CNTNAP2: variants seen among roughly 807,000 people sequenced by gnomAD.
The protein encoded by CNTNAP2 is contactin-associated protein-like 2.
Under a neutral mutation model 155.2 loss-of-function variants are expected in CNTNAP2, and 98 were observed. The ratio of observed to expected loss-of-function variants is 0.63; its 90% CI spans 0.54 to 0.75. The LOEUF (loss-of-function observed/expected upper bound fraction) is 0.75. Ranked by LOEUF, CNTNAP2 falls within the 30% of genes least tolerant of loss-of-function variation. The pLI is 0.00. For synonymous variants in CNTNAP2, 651 were observed against 631.2 expected (o/e 1.03, Z -0.47); for missense variants, 1,727 against 1,688.1 (o/e 1.02, Z -0.40).
chr7:147,504,206 A>G (rs1584776508), intron 11 of CNTNAP2, among the ~76,000 whole-genome samples: 1 of 152,058 alleles, frequency 6.6e-6, no homozygotes, highest in Non-Finnish European at 1.5e-5. Flanking sequence ...CCTGTCCTGT[A>G]GCTCCTGACA....
At chr7:146,373,928 G>A (rs561893725) in intron 1 of CNTNAP2, among the ~76,000 whole-genome samples, 3 of 152,128 alleles carry the variant, frequency 2.0e-5, no homozygotes, top group Non-Finnish European at 4.4e-5. Context: ...TTCCTAAACA[G>A]GTTTGAGAAT....
chr7:147,039,277 G>C (rs1455059367), intron 3 of CNTNAP2, among the ~76,000 whole-genome samples: 1 of 152,092 alleles, frequency 6.6e-6, no homozygotes, highest in Non-Finnish European at 1.5e-5. Flanking sequence ...ACACTCATGT[G>C]ACAGGGGTTT....
intron 1 of CNTNAP2, among the ~76,000 whole-genome samples, chr7:146,587,284 C>G (rs993018620): frequency 6.6e-6 from 1 of 152,098 alleles, no homozygotes; most frequent in African/African-American, 2.4e-5. Flanking sequence ...TACATATTTT[C>G]TACTAGACTG....
At chr7:147,476,966 G>A (rs1303972571) in intron 10 of CNTNAP2, among the ~76,000 whole-genome samples, 1 of 150,506 alleles carries the variant, frequency 6.6e-6, no homozygotes, top group Non-Finnish European at 1.5e-5. Flanking sequence ...GCAGGTTGTG[G>A]TGAAATAAAA....
intron 2 of CNTNAP2, among the ~76,000 whole-genome samples, chr7:146,798,778 A>T (rs1802816695): frequency 6.6e-6 from 1 of 152,188 alleles, no homozygotes; most frequent in Admixed American, 6.5e-5. Flanking sequence ...TGTAGTCATG[A>T]ACAAATTAAA....
chr7:147,848,751 A>G (rs982276717), intron 13 of CNTNAP2, among the ~76,000 whole-genome samples: 19 of 152,206 alleles, frequency 1.2e-4, no homozygotes, highest in African/African-American at 4.3e-4. Flanking sequence ...ATTTCCTGAA[A>G]TAGTTCCAAA....
rs148364288 is a variant in CNTNAP2 at position 148,082,724 on chromosome 7, C to T, written c.2384-35394C>T. Among the ~76,000 whole-genome samples, 118 of 152,128 alleles carry T rather than the reference C, an allele frequency of 7.8e-4. 1 individual carries two copies. The East Asian group carries it at 0.019, about 24-fold the overall frequency. On this transcript the variant is annotated intron_variant, in intron 15 of 23. Transcript: ENST00000361727. ...TGACAGAGTCTCACTCTGTCACCAG[C>T]GTGGAGTGCAATGGCACCATCTCAG...
chr7:147,452,217 CAT>C (rs1319336782), intron 10 of CNTNAP2, among the ~76,000 whole-genome samples: 1 of 152,168 alleles, frequency 6.6e-6, no homozygotes, highest in Non-Finnish European at 1.5e-5. Flanking sequence ...TATGAATACA[CAT>C]ATCAGACAGA....
chr7:147,852,584 A>C (rs1042119432), intron 13 of CNTNAP2, among the ~76,000 whole-genome samples: 1 of 152,228 alleles, frequency 6.6e-6, no homozygotes, highest in Non-Finnish European at 1.5e-5. Flanking sequence ...CTTAAAGATT[A>C]CATTTTTTGC....
chr7:147,458,361 G>C (rs1380816915), intron 10 of CNTNAP2, among the ~76,000 whole-genome samples: 2 of 151,972 alleles, frequency 1.3e-5, no homozygotes, highest in Non-Finnish European at 2.9e-5. Flanking sequence ...CAAATTGCAA[G>C]CTCTTGATGC....
chr7:147,731,763 C>A (rs183282559), intron 13 of CNTNAP2, among the ~76,000 whole-genome samples: 1 of 152,178 alleles, frequency 6.6e-6, no homozygotes, highest in Non-Finnish European at 1.5e-5. Flanking sequence ...AAAGGACCCA[C>A]CATTTTAGAT....
intron 10 of CNTNAP2, among the ~76,000 whole-genome samples, chr7:147,421,441 C>A (rs182689302): frequency 4.1e-3 from 621 of 152,126 alleles, no homozygotes; most frequent in African/African-American, 0.015. Context: ...ATAGTCACAG[C>A]ATCCATTCTA....
chr7:147,780,273 A>C lies in CNTNAP2; in HGVS notation c.2099-123292A>C, dbSNP rs150211057. ...CTGCTCAGAAATGAAAACGGAAAAC[A>C]TTCACGAGGCATTCTAGTATAATTG... On this transcript the variant is annotated intron_variant, in intron 13 of 23. Coordinates refer to ENST00000361727, the MANE Select transcript of CNTNAP2 (RefSeq NM_014141.6). Among the ~76,000 whole-genome samples the C allele has an allele frequency of 4.6e-4, 70 of 152,310 alleles. No homozygotes were observed. In the East Asian group the frequency reaches 0.013, roughly 28 times the overall value.
intron 1 of CNTNAP2, among the ~76,000 whole-genome samples, chr7:146,595,987 T>C (rs1003835208): frequency 2.0e-5 from 3 of 152,050 alleles, no homozygotes; most frequent in Non-Finnish European, 2.9e-5. Flanking sequence ...GAAAATCATT[T>C]TACTGATATT....
At chr7:147,452,834 CGTAGA>C (rs1797856930) in intron 10 of CNTNAP2, among the ~76,000 whole-genome samples, 1 of 149,452 alleles carries the variant, frequency 6.7e-6, no homozygotes, top group African/African-American at 2.5e-5. Context: ...GAAAGACAAA[CGTAGA>C]GTAATGTGGA....
At chr7:147,019,807 A>T (rs528873891) in intron 3 of CNTNAP2, among the ~76,000 whole-genome samples, 1 of 152,250 alleles carries the variant, frequency 6.6e-6, no homozygotes, top group African/African-American at 2.4e-5. Context: ...GAGCAGGAAG[A>T]ACTCACAACT....
intron 11 of CNTNAP2, among the ~76,000 whole-genome samples, chr7:147,551,224 C>T (rs1308660744): frequency 6.6e-6 from 1 of 152,134 alleles, no homozygotes; most frequent in Non-Finnish European, 1.5e-5. Flanking sequence ...TGTTTTTCTT[C>T]TCATGCTGTC....
intron 2 of CNTNAP2, among the ~76,000 whole-genome samples, chr7:146,836,739 G>T (rs1199785381): frequency 6.6e-6 from 1 of 152,030 alleles, no homozygotes; most frequent in Non-Finnish European, 1.5e-5. Context: ...ATGTAAATAT[G>T]AGTTTCAAAA....
chr7:146,517,989 G>A (rs1797565501), intron 1 of CNTNAP2, among the ~76,000 whole-genome samples: 1 of 151,824 alleles, frequency 6.6e-6, no homozygotes, highest in Non-Finnish European at 1.5e-5. Context: ...TTCCCAAATT[G>A]TCTTCATTTA....
Sources: gnomAD v4.1 joint callset for allele counts (sites outside exome capture counted in the v4.1 genomes callset) on GRCh38, gnomAD v4.1.1 for gene constraint, MANE v1.5 for transcripts, NCBI Gene and HGNC (gene_info 2026-07-23, HGNC 2026-07-21) for gene names.